HS6ST3: variants seen among roughly 807,000 people sequenced by gnomAD.
HS6ST3 encodes the protein heparan-sulfate 6-O-sulfotransferase 3.
In HS6ST3, 12 loss-of-function variants were observed where a neutral mutation model predicts 36.7. The ratio of observed to expected loss-of-function variants is 0.33; its 90% CI spans 0.21 to 0.53. The LOEUF (loss-of-function observed/expected upper bound fraction) is 0.53, where lower values mean the gene tolerates loss of function less well. Among genes scored for constraint, HS6ST3 ranks in the 20% least tolerant of loss-of-function variants. The pLI, the probability that HS6ST3 is intolerant of heterozygous loss-of-function variation, is 0.95. For missense variants in HS6ST3, 584 were observed against 640.9 expected (o/e 0.91, Z 0.96); for synonymous variants, 240 against 257.5 (o/e 0.93, Z 0.65).
intron 1 of HS6ST3, among the ~76,000 whole-genome samples, chr13:96,328,749 C>T (rs11620207): frequency 5.3e-5 from 8 of 152,190 alleles, no homozygotes; most frequent in East Asian, 1.9e-4. Context: ...TAGTTTCAGA[C>T]GGAATGGTAC....
intron 1 of HS6ST3, among the ~76,000 whole-genome samples, chr13:96,576,545 G>A (rs1250290839): frequency 6.6e-6 from 1 of 152,068 alleles, no homozygotes; most frequent in African/African-American, 2.4e-5. Flanking sequence ...AATAAAGAAA[G>A]CAAAAAAATA....
intron 1 of HS6ST3, among the ~76,000 whole-genome samples, chr13:96,195,079 A>T (rs2054305745): frequency 6.6e-6 from 1 of 152,220 alleles, no homozygotes; most frequent in Admixed American, 6.5e-5. Flanking sequence ...TCAAGAGAGC[A>T]ATATGTTGGG....
At chr13:96,221,345 A>G (rs2054454442) in intron 1 of HS6ST3, among the ~76,000 whole-genome samples, 1 of 152,144 alleles carries the variant, frequency 6.6e-6, no homozygotes, top group South Asian at 2.1e-4. Flanking sequence ...CCCTTCTGTC[A>G]TTTTCAATTA....
intron 1 of HS6ST3, among the ~76,000 whole-genome samples, chr13:96,633,487 A>G (rs912946085): frequency 6.6e-6 from 1 of 152,222 alleles, no homozygotes; most frequent in Non-Finnish European, 1.5e-5. Context: ...TTAGTCTATT[A>G]TTTCAATTCT....
At chr13:96,485,670 C>G (rs552020918) in intron 1 of HS6ST3, among the ~76,000 whole-genome samples, 5 of 152,196 alleles carry the variant, frequency 3.3e-5, no homozygotes, top group African/African-American at 9.6e-5. Context: ...AGTGGGAAAG[C>G]TTCAAATTTT....
chr13:96,458,844 A>G (rs1359838914), intron 1 of HS6ST3, among the ~76,000 whole-genome samples: 4 of 151,982 alleles, frequency 2.6e-5, no homozygotes, highest in Non-Finnish European at 4.4e-5. Context: ...GCTCACGCCT[A>G]TAATCCCAGC....
intron 1 of HS6ST3, among the ~76,000 whole-genome samples, chr13:96,623,614 T>C (rs2056502575): frequency 6.6e-6 from 1 of 152,156 alleles, no homozygotes; most frequent in South Asian, 2.1e-4. Flanking sequence ...TGCCCCACTT[T>C]CTTATATCTC....
intron 1 of HS6ST3, among the ~76,000 whole-genome samples, chr13:96,620,161 A>G (rs1388701777): frequency 6.6e-6 from 1 of 152,236 alleles, no homozygotes; most frequent in East Asian, 1.9e-4. Context: ...AGCACCCAAA[A>G]CTATTGCTAT....
At chr13:96,226,508 G>A (rs1225373654) in intron 1 of HS6ST3, among the ~76,000 whole-genome samples, 1 of 152,012 alleles carries the variant, frequency 6.6e-6, no homozygotes, top group South Asian at 2.1e-4. Flanking sequence ...CAACAAGAGC[G>A]AAACTCCATC....
intron 1 of HS6ST3, among the ~76,000 whole-genome samples, chr13:96,594,732 C>T (rs912474886): frequency 1.7e-4 from 26 of 151,912 alleles, no homozygotes; most frequent in African/African-American, 6.1e-4. Context: ...GTCTTTTAAC[C>T]TTTGTACTAA....
intron 1 of HS6ST3, among the ~76,000 whole-genome samples, chr13:96,419,269 A>G (rs1296659786): frequency 6.6e-6 from 1 of 152,242 alleles, no homozygotes; most frequent in Non-Finnish European, 1.5e-5. Flanking sequence ...ATGTGAAACC[A>G]TCCTTCAAGA....
At chr13:96,545,264 C>T (rs758405774) in intron 1 of HS6ST3, among the ~76,000 whole-genome samples, 2 of 152,016 alleles carry the variant, frequency 1.3e-5, no homozygotes, top group Non-Finnish European at 2.9e-5. Flanking sequence ...TCATGTTATC[C>T]CCATAAAAAT....
chr13:96,431,984 A>G lies in HS6ST3; in HGVS notation c.707+340415A>G, dbSNP rs543959928. 5.3e-5 allele frequency among the ~76,000 whole-genome samples: 8 copies of G among 152,232 alleles called. No individual in the cohort carries two copies. In the East Asian group the frequency reaches 5.8e-4, roughly 11 times the overall value. On this transcript the variant is annotated intron_variant, in intron 1 of 1. Coordinates refer to ENST00000376705, the MANE Select transcript of HS6ST3 (RefSeq NM_153456.4). The stretch of plus-strand genomic sequence containing the variant: ...CTCCATTTCATTCCCTCATAGCACA[A>G]TCTTTGAAATGAGTGGTCCTCTCCT...
chr13:96,514,274 T>G (rs576111486), intron 1 of HS6ST3, among the ~76,000 whole-genome samples: 7 of 152,230 alleles, frequency 4.6e-5, no homozygotes, highest in Admixed American at 2.0e-4. Context: ...GATTTGGGCT[T>G]TATATTGAAG....
intron 1 of HS6ST3, among the ~76,000 whole-genome samples, chr13:96,802,073 A>T (rs1245978355): frequency 6.6e-6 from 1 of 152,120 alleles, no homozygotes; most frequent in Admixed American, 6.6e-5. Flanking sequence ...AAGAGGAAGG[A>T]GTTCTGACTT....
intron 1 of HS6ST3, among the ~76,000 whole-genome samples, chr13:96,352,697 T>G (rs2055189646): frequency 6.6e-6 from 1 of 152,190 alleles, no homozygotes; most frequent in Non-Finnish European, 1.5e-5. Context: ...GTTTAAAAAT[T>G]GGGAAATCAG....
intron 1 of HS6ST3, among the ~76,000 whole-genome samples, chr13:96,588,844 A>G (rs1594813215): frequency 6.6e-6 from 1 of 151,910 alleles, no homozygotes; most frequent in Middle Eastern, 3.4e-3. Flanking sequence ...GATCCCAGGA[A>G]TTCGAGACCA....
intron 1 of HS6ST3, among the ~76,000 whole-genome samples, chr13:96,807,379 A>G (rs1878219576): frequency 6.6e-6 from 1 of 152,168 alleles, no homozygotes; most frequent in African/African-American, 2.4e-5. Context: ...GTAGGTAATT[A>G]GATAAATTAA....
At chr13:96,286,646 C>T (rs1190948898) in intron 1 of HS6ST3, among the ~76,000 whole-genome samples, 1 of 152,068 alleles carries the variant, frequency 6.6e-6, no homozygotes, top group Non-Finnish European at 1.5e-5. Context: ...GCTTAGTGTA[C>T]TTAAGTCTTT....
Sources: gnomAD v4.1 joint callset for allele counts (sites outside exome capture counted in the v4.1 genomes callset) on GRCh38, gnomAD v4.1.1 for gene constraint, MANE v1.5 for transcripts, NCBI Gene and HGNC (gene_info 2026-07-23, HGNC 2026-07-21) for gene names.